Variants in IMPG1 observed in about 807,000 individuals in gnomAD.
IMPG1 encodes the protein interphotoreceptor matrix proteoglycan 1, also known as interphotoreceptor matrix proteoglycan of 150 kDa.
In IMPG1, 85 loss-of-function variants were observed where a neutral mutation model predicts 92.0. The observed-to-expected ratio is 0.92, with a 90% CI of 0.78 to 1.11. The LOEUF is 1.11. IMPG1 is among the 50% of genes least tolerant of loss of function. IMPG1 has a pLI of 0.00. For synonymous variants in IMPG1, 367 were observed against 334.1 expected (o/e 1.10, Z -1.08); for missense variants, 1,022 against 956.0 (o/e 1.07, Z -0.91).
At chr6:76,029,026 G>T (rs1035168704) in intron 4 of IMPG1, among the ~76,000 whole-genome samples, 1 of 152,208 alleles carries the variant, frequency 6.6e-6, no homozygotes, top group African/African-American at 2.4e-5. Flanking sequence ...TTTATCAAGG[G>T]TTTGACTGAA....
intron 1 of IMPG1, among the ~76,000 whole-genome samples, chr6:76,060,739 A>T (rs144549438): frequency 6.6e-6 from 1 of 152,304 alleles, no homozygotes; most frequent in Non-Finnish European, 1.5e-5. Flanking sequence ...TGGTACCACA[A>T]GTTCCTTCCC....
intron 12 of IMPG1, among the ~76,000 whole-genome samples, chr6:75,978,036 C>T (rs1050101516): frequency 9.2e-5 from 14 of 152,036 alleles, no homozygotes; most frequent in South Asian, 2.1e-4. Flanking sequence ...GCAGTCCTCC[C>T]GCCTTAGCTT....
rs78309540 is a variant in IMPG1 at position 75,975,383 on chromosome 6, G to A, written c.1292-24289C>T. Among the ~76,000 whole-genome samples the A allele has an allele frequency of 6.2e-3, 947 of 152,246 alleles. 8 individuals are homozygous for A. Among genetic ancestry groups the A allele is most frequent in the African/African-American group, 0.021 (891 of 41,550 alleles). ...AATTAATGTAGTTTAGTTTGTCTCCGGAAAAAATTGTGAAAGATTATGAAA... is the reference window on the plus strand; with the variant it reads ...AATTAATGTAGTTTAGTTTGTCTCCAGAAAAAATTGTGAAAGATTATGAAA... On this transcript the variant is annotated intron_variant, in intron 12 of 16. Transcript: ENST00000369950.
chr6:75,982,465 G>A (rs958222850), intron 12 of IMPG1, among the ~76,000 whole-genome samples: 3 of 151,548 alleles, frequency 2.0e-5, no homozygotes, highest in Admixed American at 6.6e-5. Context: ...TGCTTGACCC[G>A]GGAGGCGGAG....
At chr6:75,965,843 G>C (rs1782300137) in intron 12 of IMPG1, among the ~76,000 whole-genome samples, 1 of 152,070 alleles carries the variant, frequency 6.6e-6, no homozygotes, top group Non-Finnish European at 1.5e-5. Context: ...TCCTGACCTT[G>C]TGATCTGCCC....
At chr6:75,996,983 A>G (rs757018474) in intron 12 of IMPG1, among the ~76,000 whole-genome samples, 2 of 152,140 alleles carry the variant, frequency 1.3e-5, no homozygotes, top group Non-Finnish European at 2.9e-5. Flanking sequence ...GGAATTGCCA[A>G]AATTTGAGGG....
chr6:75,975,140 G>A (rs1458634618), intron 12 of IMPG1, among the ~76,000 whole-genome samples: 3 of 152,226 alleles, frequency 2.0e-5, no homozygotes, highest in South Asian at 2.1e-4. Flanking sequence ...CTTACACAGA[G>A]TACTTTGCAA....
At chr6:76,019,167 G>T (rs1001160454) in intron 6 of IMPG1, among the ~76,000 whole-genome samples, 1 of 152,150 alleles carries the variant, frequency 6.6e-6, no homozygotes, top group South Asian at 2.1e-4. Flanking sequence ...ACGGAGGCAT[G>T]GTTCTGAGGA....
chr6:75,993,358 C>T (rs1782845210), intron 12 of IMPG1, among the ~76,000 whole-genome samples: 1 of 152,038 alleles, frequency 6.6e-6, no homozygotes, highest in Non-Finnish European at 1.5e-5. Context: ...CTCAGGAGGC[C>T]ATGAAGTCCA....
chr6:75,971,031 C>T (rs373777744), intron 12 of IMPG1, among the ~76,000 whole-genome samples: 364 of 152,004 alleles, frequency 2.4e-3, no homozygotes, highest in African/African-American at 8.4e-3. Context: ...ATGTTTATTG[C>T]GGCACTATTC....
In IMPG1 at chr6:75,975,608, A is replaced by G. The variant is rs576312076; in HGVS notation, c.1292-24514T>C. ...GTGAATTTTGTCTAATGGAGATGCCATCGATTTTCCTTCTGTGAAAGAGAC... is the reference window on the plus strand; with the variant it reads ...GTGAATTTTGTCTAATGGAGATGCCGTCGATTTTCCTTCTGTGAAAGAGAC... On this transcript the variant is annotated intron_variant, in intron 12 of 16. Transcript: ENST00000369950. Among the ~76,000 whole-genome samples the G allele has an allele frequency of 1.6e-4, 25 of 152,332 alleles. 1 individual carries two copies. In the South Asian group the frequency reaches 2.1e-3, roughly 13 times the overall value.
rs374009710 is a variant in IMPG1 at position 76,022,371 on chromosome 6, T to C, written c.563-152A>G. ...TCATCTTTTTAAGATCACGTAAATA[T>C]GTTCTTGAAAAAATATGACTCATAC... On this transcript the variant is annotated intron_variant, in intron 5 of 16. Coordinates refer to ENST00000369950, the MANE Select transcript of IMPG1 (RefSeq NM_001563.4). 5.6e-4 allele frequency: 251 copies of C among 445,558 alleles called. 1 individual carries two copies. Among genetic ancestry groups the C allele is most frequent in the African/African-American group, 4.5e-3 (224 of 49,264 alleles). The allele number at this position is 445,558 out of a possible 1,614,324, so 27.6% of individuals were successfully genotyped here.
intron 1 of IMPG1, among the ~76,000 whole-genome samples, chr6:76,057,814 T>C (rs983094608): frequency 6.6e-6 from 1 of 152,112 alleles, no homozygotes; most frequent in African/African-American, 2.4e-5. Flanking sequence ...AAAATTGAGA[T>C]CATATTGTTT....
At chr6:75,966,551 G>A (rs1473460279) in intron 12 of IMPG1, among the ~76,000 whole-genome samples, 1 of 152,046 alleles carries the variant, frequency 6.6e-6, no homozygotes, top group Non-Finnish European at 1.5e-5. Flanking sequence ...CTCGACCTTG[G>A]ACTTTCCAGC....
intron 1 of IMPG1, among the ~76,000 whole-genome samples, chr6:76,057,408 T>A (rs1219884430): frequency 6.6e-6 from 1 of 152,148 alleles, no homozygotes; most frequent in Non-Finnish European, 1.5e-5. Context: ...GGTTGGGATG[T>A]GCAGTGGGGA....
chr6:76,049,716 A>G (rs149624245), intron 1 of IMPG1, among the ~76,000 whole-genome samples: 1 of 152,274 alleles, frequency 6.6e-6, no homozygotes, highest in African/African-American at 2.4e-5. Context: ...AATTTGGGAA[A>G]AGGCAGAGAT....
intron 12 of IMPG1, among the ~76,000 whole-genome samples, chr6:75,993,810 A>G (rs981334200): frequency 4.6e-5 from 7 of 152,214 alleles, no homozygotes; most frequent in African/African-American, 1.7e-4. Flanking sequence ...AAGTTTATTC[A>G]AGCAGGGCTG....
At chr6:76,017,114 G>A (rs1240172775) in intron 7 of IMPG1, among the ~76,000 whole-genome samples, 1 of 151,140 alleles carries the variant, frequency 6.6e-6, no homozygotes, top group Non-Finnish European at 1.5e-5. Context: ...TAAATGGGGG[G>A]ACAAATTGGA....
At chr6:76,045,854 G>C (rs568856847) in intron 1 of IMPG1, among the ~76,000 whole-genome samples, 1 of 152,006 alleles carries the variant, frequency 6.6e-6, no homozygotes, top group East Asian at 1.9e-4. Context: ...TGATATTTTT[G>C]GTTTATATAA....
Sources: gnomAD v4.1 joint callset for allele counts (sites outside exome capture counted in the v4.1 genomes callset) on GRCh38, gnomAD v4.1.1 for gene constraint, MANE v1.5 for transcripts, NCBI Gene and HGNC (gene_info 2026-07-23, HGNC 2026-07-21) for gene names.